SLC1A1: variants seen among roughly 807,000 people sequenced by gnomAD.
The protein encoded by SLC1A1 is solute carrier family 1 member 1.
A neutral mutation model predicts 53.3 loss-of-function variants in SLC1A1; 43 were observed. The ratio of observed to expected loss-of-function variants is 0.81; its 90% CI spans 0.63 to 1.04. The LOEUF (loss-of-function observed/expected upper bound fraction) is 1.04, where lower values mean the gene tolerates loss of function less well. Ranked by LOEUF, SLC1A1 falls within the 50% of genes least tolerant of loss-of-function variation. The pLI is 0.00. For synonymous variants in SLC1A1, 307 were observed against 243.2 expected (o/e 1.26, Z -2.44); for missense variants, 748 against 664.9 (o/e 1.12, Z -1.37).
chr9:4,504,768 TTAAA>T (rs1360113524), intron 1 of SLC1A1, among the ~76,000 whole-genome samples: 3 of 152,232 alleles, frequency 2.0e-5, no homozygotes, highest in Admixed American at 1.3e-4. Flanking sequence ...CTGTGTAAAT[TTAAA>T]TAATTTCTTT....
chr9:4,576,441 T>A, intron 9 of SLC1A1, 128 bp from the exon 10 acceptor site: 1 of 809,560 alleles, frequency 1.2e-6, no homozygotes, highest in Non-Finnish European at 2.1e-6. Context: ...TGTTATTTTC[T>A]TTACTTTTCT....
intron 1 of SLC1A1, among the ~76,000 whole-genome samples, chr9:4,524,031 C>T (rs1043620585): frequency 4.6e-5 from 7 of 152,166 alleles, no homozygotes; most frequent in African/African-American, 1.7e-4. Flanking sequence ...ATATTAAAGG[C>T]CCTTTGTTTA....
At chr9:4,525,807 G>A (rs1312772017) in intron 1 of SLC1A1, among the ~76,000 whole-genome samples, 1 of 151,896 alleles carries the variant, frequency 6.6e-6, no homozygotes, top group African/African-American at 2.4e-5. Flanking sequence ...ATAAAAAATG[G>A]GGAATATATA....
At chr9:4,580,649 G>GTA (rs1314004048) in intron 10 of SLC1A1, among the ~76,000 whole-genome samples, 9,366 of 126,540 alleles carry the variant, frequency 0.074, 599 homozygotes, top group East Asian at 0.13. Flanking sequence ...GTGTGTGTGT[G>GTA]TGTATAAGGA....
At chr9:4,538,412 C>T (rs1586726585) in intron 1 of SLC1A1, among the ~76,000 whole-genome samples, 3 of 152,154 alleles carry the variant, frequency 2.0e-5, no homozygotes, top group South Asian at 2.1e-4. Flanking sequence ...TATCTTTGAG[C>T]GGAGGGATAA....
Position 4,524,565 on chromosome 9 carries a change from A to G in SLC1A1, c.92-20002A>G, listed in dbSNP as rs377234664. On this transcript the variant is annotated intron_variant, in intron 1 of 11. Transcript: ENST00000262352. ...TAGAAGACCTGAGACTGGGTAACTT[A>G]TAAAGAAAAGATGTTTATTTAGGTC... 7.2e-5 allele frequency among the ~76,000 whole-genome samples: 11 copies of G among 152,328 alleles called. 1 individual carries two copies. Among genetic ancestry groups the G allele is most frequent in the African/African-American group, 2.2e-4 (9 of 41,572 alleles).
chr9:4,580,905 G>T (rs1821040152), intron 10 of SLC1A1, among the ~76,000 whole-genome samples: 2 of 151,962 alleles, frequency 1.3e-5, no homozygotes, highest in African/African-American at 4.8e-5. Flanking sequence ...TTTGTTTTTT[G>T]TTTTATTTTA....
chr9:4,532,913 A>G (rs1051728634), intron 1 of SLC1A1, among the ~76,000 whole-genome samples: 7 of 152,194 alleles, frequency 4.6e-5, no homozygotes, highest in African/African-American at 1.7e-4. Flanking sequence ...AATATGCAAC[A>G]TTCTTATAGA....
rs761087718 is a variant in SLC1A1 at position 4,576,662 on chromosome 9, A to G, written c.1092A>G (p.Thr364=). 1.2e-6 allele frequency: 2 copies of G among 1,614,148 alleles called. No individual in the cohort carries two copies. Among genetic ancestry groups the G allele is most frequent in the Non-Finnish European group, 1.7e-6 (2 of 1,179,968 alleles). The change falls in exon 10 of 12, where the codon ACA becomes ACG. Residue 364 remains threonine, a synonymous_variant. Transcript: ENST00000262352. The part of the protein sequence containing the change: ...ITRFVLPVGA[T]INMDGTALYE... Reference sequence around the variant, plus strand: ...GATTCGTGTTACCCGTTGGTGCAACAATCAACATGGATGGGACTGCGCTCT... The same window carrying G: ...GATTCGTGTTACCCGTTGGTGCAACGATCAACATGGATGGGACTGCGCTCT...
At chr9:4,495,156 G>C (rs977468439) in intron 1 of SLC1A1, among the ~76,000 whole-genome samples, 1 of 152,194 alleles carries the variant, frequency 6.6e-6, no homozygotes, top group East Asian at 1.9e-4. Context: ...ACGTGGCATA[G>C]GCTTTCCCGC....
intron 3 of SLC1A1, 97 bp from the exon 4 acceptor site, chr9:4,564,247 T>C (rs938762882): frequency 1.4e-5 from 12 of 842,744 alleles, no homozygotes; most frequent in Non-Finnish European, 2.2e-5. Flanking sequence ...ATCACACTAT[T>C]GCCTGGTACA....
intron 1 of SLC1A1, among the ~76,000 whole-genome samples, chr9:4,517,300 C>T (rs910788587): frequency 2.0e-5 from 3 of 152,174 alleles, no homozygotes; most frequent in Non-Finnish European, 4.4e-5. Context: ...TCAAGGGTAG[C>T]TCTGAACTCC....
chr9:4,532,920 T>A (rs534956924), intron 1 of SLC1A1, among the ~76,000 whole-genome samples: 7 of 152,198 alleles, frequency 4.6e-5, no homozygotes, highest in Admixed American at 3.9e-4. Flanking sequence ...AACATTCTTA[T>A]AGAAAAGAAT....
chr9:4,568,708 A>C (rs893103334), intron 6 of SLC1A1, among the ~76,000 whole-genome samples: 1 of 151,874 alleles, frequency 6.6e-6, no homozygotes, highest in Non-Finnish European at 1.5e-5. Flanking sequence ...AAAAAAAAAA[A>C]AAAACATACA....
At chr9:4,528,354 C>T (rs1329587735) in intron 1 of SLC1A1, among the ~76,000 whole-genome samples, 12 of 152,136 alleles carry the variant, frequency 7.9e-5, no homozygotes, top group African/African-American at 1.9e-4. Context: ...AGGCAGATCA[C>T]GGGGTCAGGA....
intron 1 of SLC1A1, among the ~76,000 whole-genome samples, chr9:4,515,748 T>C (rs938826317): frequency 3.9e-5 from 6 of 152,172 alleles, no homozygotes; most frequent in Admixed American, 1.3e-4. Flanking sequence ...AAGAGTCATC[T>C]TTCCAGCAGG....
chr9:4,546,067 G>A (rs563704683), intron 2 of SLC1A1, among the ~76,000 whole-genome samples: 22 of 152,140 alleles, frequency 1.4e-4, no homozygotes, highest in Middle Eastern at 6.8e-3. Context: ...GGGGGCACGG[G>A]AGGGTGGGGG....
At position 4,576,026 on chromosome 9, in the gene SLC1A1, C is replaced by T; in HGVS notation, c.901C>T (p.Leu301Phe). 1 of 1,614,046 alleles carries T rather than the reference C, an allele frequency of 6.2e-7. No individual in the cohort carries two copies. Among genetic ancestry groups the T allele is most frequent in the Non-Finnish European group, 8.5e-7 (1 of 1,179,878 alleles). ...GCTTGCAATCCACTCCATTGTAATTCTCCCGCTGATATATTTCATAGTCGT... is the reference window on the plus strand; with the variant it reads ...GCTTGCAATCCACTCCATTGTAATTTTCCCGCTGATATATTTCATAGTCGT... ...TGLAIHSIVI[L>F]PLIYFIVVRK... Residue 301 changes from leucine (L) to phenylalanine (F), a missense_variant, in exon 9 of 12, where the codon CTC (leucine) becomes TTC (phenylalanine). Transcript: ENST00000262352.
At chr9:4,531,023 C>A (rs1816447706) in intron 1 of SLC1A1, among the ~76,000 whole-genome samples, 1 of 152,190 alleles carries the variant, frequency 6.6e-6, no homozygotes, top group African/African-American at 2.4e-5. Context: ...GCAAGTCCAT[C>A]CAAACAGCCA....
Sources: allele counts gnomAD v4.1 joint callset (sites outside exome capture counted in the v4.1 genomes callset), GRCh38; gene constraint gnomAD v4.1.1; transcripts MANE v1.5; gene names NCBI Gene and HGNC (gene_info 2026-07-23, HGNC 2026-07-21).